CYP4V2: variants seen among roughly 807,000 people sequenced by gnomAD.
The protein encoded by CYP4V2 is cytochrome P450 4V2.
A neutral mutation model predicts 60.8 loss-of-function variants in CYP4V2; 55 were observed. That is an observed-to-expected ratio of 0.90 (90% CI 0.73 to 1.13). CYP4V2 has a LOEUF of 1.13. CYP4V2 is among the 50% of genes most tolerant of loss of function. CYP4V2 has a pLI of 0.00. For synonymous variants in CYP4V2, 239 were observed against 236.8 expected (o/e 1.01, Z -0.08); for missense variants, 675 against 662.9 (o/e 1.02, Z -0.20).
chr4:186,202,276 A>G (rs1319815136), intron 7 of CYP4V2: 1 of 152,228 alleles, frequency 6.6e-6, no homozygotes, highest in Non-Finnish European at 1.5e-5. Context: ...TACTGAAAAT[A>G]AATCTTAAGC....
chr4:186,192,304 G>T, intron 1 of CYP4V2: 1 of 678,986 alleles, frequency 1.5e-6, no homozygotes. Context: ...CCACCTCACC[G>T]CTGCTCAGCT....
At position 186,195,681 on chromosome 4, in the gene CYP4V2, C is replaced by T. The variant is rs1324840537; in HGVS notation, c.328-322C>T. Among the ~76,000 whole-genome samples the T allele has an allele frequency of 3.9e-4, 59 of 152,100 alleles. No homozygotes were observed. Among genetic ancestry groups the T allele is most frequent in the Admixed American group, 3.7e-3 (56 of 15,276 alleles). ...CATCTCCCCACATGTGCCCACCCTC[C>T]AGATTCGCCTCCTCCCACCTCACTG... is the stretch of plus-strand genomic sequence containing the variant. On this transcript the variant is annotated intron_variant, in intron 2 of 10. Transcript: ENST00000378802. The surrounding 1 kb of genome is among the most constrained non-coding windows in gnomAD (Gnocchi z 4.1).
rs1014774397 is a variant in CYP4V2, at chr4:186,210,886, G to C, written c.*245G>C. On this transcript the variant is annotated 3_prime_UTR_variant, in exon 11 of 11. Transcript: ENST00000378802. Reference sequence around the variant, plus strand: ...TCTCACTCTGTCGCCCAGGCTGGAGGAGTGCAGTGGTGTGATCTCAGCTCA... The same window carrying C: ...TCTCACTCTGTCGCCCAGGCTGGAGCAGTGCAGTGGTGTGATCTCAGCTCA... The C allele has an allele frequency of 2.3e-6, 1 of 428,272 alleles. No homozygotes were observed. The highest frequency in any genetic ancestry group is 2.0e-5 in the African/African-American group (1 of 48,814). 26.5% of individuals were successfully genotyped at this position (428,272 alleles called of 1,614,324 possible). A position where few individuals can be genotyped will look rare whatever the true frequency, so the allele number is the denominator to read the frequency against.
At chr4:186,194,041 A>T (rs1736070176) in intron 1 of CYP4V2, among the ~76,000 whole-genome samples, 1 of 152,180 alleles carries the variant, frequency 6.6e-6, no homozygotes, top group African/African-American at 2.4e-5. Flanking sequence ...ATGACGCAGG[A>T]TGATTGACAC....
chr4:186,208,958 T>C lies in CYP4V2; in HGVS notation c.1184T>C (p.Val395Ala), dbSNP rs143711287. ...IKETLRLFPS[V>A]PLFARSVSED... The stretch of plus-strand genomic sequence containing the variant: ...GAGACCCTTCGCCTTTTTCCTTCTG[T>C]TCCTTTATTTGCCCGTAGTGTTAGT... Residue 395 changes from valine (V) to alanine (A), a missense_variant, in exon 9 of 11, where the codon GTT becomes GCT. Transcript: ENST00000378802. The C allele has an allele frequency of 5.1e-5, 83 of 1,614,244 alleles. 1 individual carries two copies. The highest frequency in any genetic ancestry group is 6.5e-5 in the Non-Finnish European group (77 of 1,180,036).
In CYP4V2 at chr4:186,192,016, C is replaced by A; in HGVS notation, c.193C>A (p.Leu65Met). 1 of 1,581,878 alleles carries A rather than the reference C, an allele frequency of 6.3e-7. No individual in the cohort carries two copies. Residue 65 changes from leucine to methionine, a missense_variant, in exon 1 of 11, where the codon CTG (leucine) becomes ATG (methionine). Transcript: ENST00000378802. ...CTACCCACTGGTGGGCCACGCGCTG[C>A]TGATGAAGCCGGACGGGCGAGGTAA... is the stretch of plus-strand genomic sequence containing the variant. The part of the protein sequence containing the change: ...RAYPLVGHAL[L>M]MKPDGREFFQ...
chr4:186,210,835 C>CT lies in CYP4V2; in HGVS notation c.*197dup, dbSNP rs1260127867. ...TTTTGTATTTTCTTTTTTCTTTTTT[C>CT]TTTATTTTTTTTTTTTGAAACCGTG... On this transcript the variant is annotated 3_prime_UTR_variant, in exon 11 of 11. Coordinates refer to ENST00000378802, the MANE Select transcript of CYP4V2 (RefSeq NM_207352.4). The CT allele has an allele frequency of 1.2e-5, 8 of 677,116 alleles. No homozygotes were observed. Among genetic ancestry groups the CT allele is most frequent in the African/African-American group, 9.3e-5 (5 of 54,048 alleles). 41.9% of individuals were successfully genotyped at this position (677,116 alleles called of 1,614,324 possible).
chr4:186,197,248 GCGCGGTTCTA>G (rs1736178285), intron 4 of CYP4V2, 118 bp downstream of exon 4: 1 of 1,311,370 alleles, frequency 7.6e-7, no homozygotes, highest in African/African-American at 1.5e-5. Flanking sequence ...GGGCTCTTCA[GCGCGGTTCTA>G]CGACCGCACT....
At chr4:186,194,953 G>A (rs1283588564) in intron 2 of CYP4V2, among the ~76,000 whole-genome samples, 1 of 152,146 alleles carries the variant, frequency 6.6e-6, no homozygotes. Context: ...AAAAATATAT[G>A]ACTAATAAAA....
Position 186,191,710 on chromosome 4 carries a change from A to C in CYP4V2, c.-114A>C. On this transcript the variant is annotated 5_prime_UTR_variant, in exon 1 of 11. Transcript: ENST00000378802. ...GGGACCGGGCGACCCCGCAGCGGGGAGCGCGCCAGGTCCGCGCGGGGAAGT... is the reference window on the plus strand; with the variant it reads ...GGGACCGGGCGACCCCGCAGCGGGGCGCGCGCCAGGTCCGCGCGGGGAAGT... 9.9e-7 allele frequency: 1 copy of C among 1,014,924 alleles called. No individual in the cohort carries two copies. Among genetic ancestry groups the C allele is most frequent in the Non-Finnish European group, 1.3e-6 (1 of 791,070 alleles). The allele number at this position is 1,014,924 out of a possible 1,614,324, so 62.9% of individuals were successfully genotyped here.
chr4:186,212,163 C>T lies in CYP4V2; in HGVS notation c.*1522C>T, dbSNP rs912392102. ...AGATCTATACCCTTAAATCTCTCCA[C>T]TCACATGCTGATATACTTTCTACTA... is the stretch of plus-strand genomic sequence containing the variant. On this transcript the variant is annotated 3_prime_UTR_variant, in exon 11 of 11. Coordinates refer to ENST00000378802, the MANE Select transcript of CYP4V2 (RefSeq NM_207352.4). 2 of 152,222 alleles carry T rather than the reference C, an allele frequency of 1.3e-5. No individual in the cohort carries two copies. Among genetic ancestry groups the T allele is most frequent in the African/African-American group, 4.8e-5 (2 of 41,456 alleles). 9.4% of individuals were successfully genotyped at this position (152,222 alleles called of 1,614,324 possible). A position where few individuals can be genotyped will look rare whatever the true frequency, so the allele number is the denominator to read the frequency against.
rs1182571993 is a variant in CYP4V2, at chr4:186,201,200, G to A, written c.845G>A (p.Cys282Tyr). ...RANEMNANED[C>Y]RGDGRGSAPS... ...AATGAAATGAACGCCAATGAAGACT[G>A]TAGAGGTGATGGCAGGGGCTCTGCC... is the stretch of plus-strand genomic sequence containing the variant. Residue 282 changes from cysteine (C) to tyrosine (Y), a missense_variant, in exon 7 of 11, where the codon TGT becomes TAT. Cys to Tyr is a radical substitution (Grantham distance 194). Coordinates refer to ENST00000378802, the MANE Select transcript of CYP4V2 (RefSeq NM_207352.4). The A allele has an allele frequency of 4.2e-5, 67 of 1,614,082 alleles. No homozygotes were observed. Among genetic ancestry groups the A allele is most frequent in the Non-Finnish European group, 5.5e-5 (65 of 1,180,042 alleles).
At chr4:186,197,683 T>C in intron 5 of CYP4V2, 81 bp downstream of exon 5, 1 of 1,431,782 alleles carries the variant, frequency 7.0e-7, no homozygotes, top group Non-Finnish European at 9.8e-7. Flanking sequence ...TTCTGCGTTG[T>C]ATCTTTTTAT....
At chr4:186,204,942 AT>A (rs1736452027) in intron 7 of CYP4V2, 2 of 522,056 alleles carry the variant, frequency 3.8e-6, no homozygotes, top group South Asian at 2.0e-5. Context: ...CGCCGCCTTT[AT>A]TAACACAGCA....
chr4:186,208,989 T>C lies in CYP4V2; in HGVS notation c.1215T>C (p.Asp405=), dbSNP rs1409374812. 1.9e-6 allele frequency: 3 copies of C among 1,614,060 alleles called. No homozygotes were observed. Among genetic ancestry groups the C allele is most frequent in the Admixed American group, 3.3e-5 (2 of 60,006 alleles). ...TATTTGCCCGTAGTGTTAGTGAAGA[T>C]TGTGAAGTGGGTAAGTATGCTATAC... ...VPLFARSVSE[D]CEVAGYRVLK... is the part of the protein sequence containing the mutation. The change falls in exon 9 of 11, where the codon GAT becomes GAC. Residue 405 remains aspartate (D), a synonymous_variant. Coordinates refer to ENST00000378802, the MANE Select transcript of CYP4V2 (RefSeq NM_207352.4).
chr4:186,196,308 A>G (rs568340507), intron 3 of CYP4V2: 16 of 579,968 alleles, frequency 2.8e-5, no homozygotes, highest in African/African-American at 3.7e-5. Flanking sequence ...GTGGTATTCA[A>G]TAGCGACTGT....
chr4:186,204,551 A>C (rs1736439928), intron 7 of CYP4V2: 1 of 183,380 alleles, frequency 5.5e-6, no homozygotes, highest in African/African-American at 2.4e-5. Flanking sequence ...CCGCAGGCTC[A>C]GTTTCTGCCT....
chr4:186,191,731 G>A lies in CYP4V2; in HGVS notation c.-93G>A, dbSNP rs909136989. ...GGGGAGCGCGCCAGGTCCGCGCGGG[G>A]AAGTGGGCGGTGTGCGGCCGGCACC... On this transcript the variant is annotated 5_prime_UTR_variant, in exon 1 of 11. Transcript: ENST00000378802. 83 of 1,205,466 alleles carry A rather than the reference G, an allele frequency of 6.9e-5. No individual in the cohort carries two copies. The highest frequency in any genetic ancestry group is 3.0e-4 in the Middle Eastern group (1 of 3,328). 74.7% of individuals were successfully genotyped at this position (1,205,466 alleles called of 1,614,324 possible). A position where few individuals can be genotyped will look rare whatever the true frequency, so the allele number is the denominator to read the frequency against.
At chr4:186,206,736 G>A (rs1736518543) in intron 8 of CYP4V2, among the ~76,000 whole-genome samples, 1 of 152,202 alleles carries the variant, frequency 6.6e-6, no homozygotes. Context: ...GGATGGAAAA[G>A]CAGTTTTGTG....
Sources: gnomAD v4.1 joint callset for allele counts (sites outside exome capture counted in the v4.1 genomes callset) on GRCh38, gnomAD v4.1.1 for gene constraint, Gnocchi (gnomAD v3.1) non-coding constraint, MANE v1.5 for transcripts, NCBI Gene and HGNC (gene_info 2026-07-23, HGNC 2026-07-21) for gene names.